The following KDM6A variants were observed in gnomAD, a reference collection of about 807,000 sequenced individuals.
The protein encoded by KDM6A is lysine demethylase 6A.
Under a neutral mutation model 117.6 loss-of-function variants are expected in KDM6A, and 11 were observed. The ratio of observed to expected loss-of-function variants is 0.09; its 90% CI spans 0.06 to 0.15. The LOEUF (loss-of-function observed/expected upper bound fraction) is 0.15. Among genes scored for constraint, KDM6A ranks in the 10% least tolerant of loss-of-function variants. The pLI, the probability that KDM6A is intolerant of heterozygous loss-of-function variation, is 1.00. For synonymous variants in KDM6A, 384 were observed against 396.1 expected (o/e 0.97, Z 0.36); for missense variants, 799 against 1,077.3 (o/e 0.74, Z 3.62).
intron 2 of KDM6A, among the ~76,000 whole-genome samples, chrX:44,918,301 C>G (rs1357485675): frequency 2.7e-5 from 3 of 111,427 alleles, no homozygotes; most frequent in South Asian, 3.7e-4. Context: ...GCTCAAGTTT[C>G]TTTTGGCATG....
chrX:45,040,404 C>A (rs1165692982), intron 8 of KDM6A, among the ~76,000 whole-genome samples: 10 of 86,629 alleles, frequency 1.2e-4, no homozygotes, highest in Middle Eastern at 8.2e-3. Context: ...GGGGCTGATC[C>A]CCCCACCTCC....
intron 28 of KDM6A, among the ~76,000 whole-genome samples, chrX:45,109,166 A>T (rs1234719285): frequency 9.7e-6 from 1 of 103,387 alleles, no homozygotes; most frequent in East Asian, 3.2e-4. Context: ...ATAAATAAAT[A>T]AATAAAGTAC....
At chrX:45,027,244 G>C (rs2042407209) in intron 6 of KDM6A, among the ~76,000 whole-genome samples, 1 of 109,349 alleles carries the variant, frequency 9.1e-6, no homozygotes, top group East Asian at 2.9e-4. Flanking sequence ...GGGAAGCTGA[G>C]GCAGGTGGAT....
At chrX:45,108,841 C>T (rs764021318) in intron 28 of KDM6A, among the ~76,000 whole-genome samples, 2 of 99,965 alleles carry the variant, frequency 2.0e-5, no homozygotes, top group South Asian at 4.9e-4. Context: ...AAATTGGAAA[C>T]CATCATTCTC....
chrX:45,076,944 T>G, intron 19 of KDM6A, 118 bp downstream of exon 19: 1 of 614,869 alleles, frequency 1.6e-6, no homozygotes. Context: ...GGCAGCAGAT[T>G]AAATAGTTTG....
intron 6 of KDM6A, among the ~76,000 whole-genome samples, chrX:45,029,260 C>T: frequency 9.1e-6 from 1 of 109,989 alleles, no homozygotes; most frequent in Non-Finnish European, 1.9e-5. Flanking sequence ...CATGATGAAA[C>T]CCTATCCCTA....
At chrX:45,037,567 A>G (rs2042871597) in intron 7 of KDM6A, 88 bp from the exon 8 acceptor site, 1 of 709,079 alleles carries the variant, frequency 1.4e-6, no homozygotes. Context: ...GACTGTGATA[A>G]TGTTTGATGC....
chrX:44,941,094 T>C (rs1251953109), intron 2 of KDM6A, among the ~76,000 whole-genome samples: 1 of 111,753 alleles, frequency 8.9e-6, no homozygotes, highest in Non-Finnish European at 1.9e-5. Flanking sequence ...AACATAACTT[T>C]TTAACTGTTT....
At chrX:44,983,202 G>T (rs776930768) in intron 4 of KDM6A, among the ~76,000 whole-genome samples, 121 of 111,527 alleles carry the variant, frequency 1.1e-3, no homozygotes, top group Admixed American at 2.4e-3. Context: ...TTTACTTTAT[G>T]GACTAGACAT....
chrX:44,925,177 C>CCT (rs1436896906), intron 2 of KDM6A, among the ~76,000 whole-genome samples: 1 of 109,875 alleles, frequency 9.1e-6, no homozygotes, highest in African/African-American at 3.3e-5. Flanking sequence ...TCTCCAGAGT[C>CCT]CTCTCTCTGC....
chrX:45,105,149 G>A (rs751704316), intron 27 of KDM6A, among the ~76,000 whole-genome samples: 2 of 111,454 alleles, frequency 1.8e-5, no homozygotes, highest in Non-Finnish European at 3.8e-5. Flanking sequence ...GATGTGAGGA[G>A]ACCAAAAAGA....
chrX:45,085,242 T>A (rs2045595186), intron 24 of KDM6A, among the ~76,000 whole-genome samples: 1 of 111,904 alleles, frequency 8.9e-6, no homozygotes, highest in South Asian at 3.7e-4. Context: ...AAAAAAATGG[T>A]AATGATATCT....
intron 27 of KDM6A, among the ~76,000 whole-genome samples, chrX:45,103,582 A>T (rs896905620): frequency 3.6e-5 from 4 of 112,049 alleles, no homozygotes; most frequent in African/African-American, 1.3e-4. Flanking sequence ...ATTTGTCTAC[A>T]TATTATTTTA....
In KDM6A at chrX:45,089,924, C is replaced by T; in HGVS notation, c.3886C>T (p.Leu1296Phe). 1 of 1,204,341 alleles carries T rather than the reference C, an allele frequency of 8.3e-7. No individual in the cohort carries two copies. The highest frequency in any genetic ancestry group is 1.8e-5 in the South Asian group (1 of 56,426). Reference protein sequence around the residue: ...CNNIAWNVGPLTACQYKLAVE... With the variant: ...CNNIAWNVGPFTACQYKLAVE... ...CAACATTGCTTGGAATGTTGGTCCACTTACAGGTATTATAAAGAATATGCT... is the reference window on the plus strand; with the variant it reads ...CAACATTGCTTGGAATGTTGGTCCATTTACAGGTATTATAAAGAATATGCT... The change falls in exon 26 of 30, where the codon CTT (leucine) becomes TTT (phenylalanine). Residue 1296 changes from leucine (L) to phenylalanine (F), a missense_variant. Leu to Phe is a conservative substitution (Grantham distance 22, BLOSUM62 0). Transcript: ENST00000611820.
chrX:44,996,944 C>G (rs1446117885), intron 4 of KDM6A, among the ~76,000 whole-genome samples: 1 of 111,582 alleles, frequency 9.0e-6, no homozygotes, highest in East Asian at 2.8e-4. Flanking sequence ...CCTTGCCCCC[C>G]TCGCAGGGCA....
At chrX:44,919,752 T>C (rs1464755127) in intron 2 of KDM6A, among the ~76,000 whole-genome samples, 2 of 108,743 alleles carry the variant, frequency 1.8e-5, no homozygotes, top group Non-Finnish European at 3.8e-5. Context: ...GCAATTCTCC[T>C]GTGTGCACCA....
chrX:45,067,644 CTTTTTTTTGTT>C (rs1468497454), intron 17 of KDM6A, among the ~76,000 whole-genome samples: 10 of 90,088 alleles, frequency 1.1e-4, no homozygotes, highest in Non-Finnish European at 2.0e-4. Context: ...TGGTGTGTAT[CTTTTTTTTGTT>C]TTTTTTTTTT....
intron 8 of KDM6A, among the ~76,000 whole-genome samples, chrX:45,041,433 C>T (rs1487262797): frequency 2.1e-5 from 2 of 96,775 alleles, no homozygotes; most frequent in Non-Finnish European, 2.0e-5. Flanking sequence ...GGGGACTGAC[C>T]CCCCCCCACC....
At chrX:45,081,018 C>T (rs2045372926) in intron 21 of KDM6A, among the ~76,000 whole-genome samples, 1 of 111,929 alleles carries the variant, frequency 8.9e-6, no homozygotes, top group African/African-American at 3.3e-5. Context: ...CTGCAACCTC[C>T]GCCTCCCAGG....
Sources: gnomAD v4.1 joint callset for allele counts (sites outside exome capture counted in the v4.1 genomes callset) on GRCh38, gnomAD v4.1.1 for gene constraint, MANE v1.5 for transcripts, NCBI Gene and HGNC (gene_info 2026-07-23, HGNC 2026-07-21) for gene names.